Variants in SCG2 observed in about 807,000 individuals in gnomAD.
The protein encoded by SCG2 is secretogranin II.
Under a neutral mutation model 49.5 loss-of-function variants are expected in SCG2, and 23 were observed. The ratio of observed to expected loss-of-function variants is 0.46; its 90% CI spans 0.33 to 0.66. SCG2 has a LOEUF of 0.66. SCG2 is among the 30% of genes least tolerant of loss of function. SCG2 has a pLI of 0.01. For synonymous variants in SCG2, 288 were observed against 260.4 expected (o/e 1.11, Z -1.02); for missense variants, 730 against 728.2 (o/e 1.00, Z -0.03).
Position 223,599,172 on chromosome 2 carries a change from C to A in SCG2, c.111G>T (p.Gln37His), listed in dbSNP as rs1293614705. ...TTTCCAACCTGAGGTCTGGTTCTTT[C>A]TGAAGCAGCTGGTTTCTCTGAAATG... The part of the protein sequence containing the change: ...AASFQRNQLL[Q>H]KEPDLRLENV... Residue 37 changes from glutamine (Q) to histidine (H), a missense_variant, in exon 2 of 2, where the codon CAG (glutamine) becomes CAT (histidine). Transcript: ENST00000305409. 1 of 1,614,010 alleles carries A rather than the reference C, an allele frequency of 6.2e-7. No homozygotes were observed. Among genetic ancestry groups the A allele is most frequent in the Admixed American group, 1.7e-5 (1 of 60,012 alleles).
chr2:223,598,834 T>C lies in SCG2; in HGVS notation c.449A>G (p.Asp150Gly). 1 of 1,614,190 alleles carries C rather than the reference T, an allele frequency of 6.2e-7. No individual in the cohort carries two copies. Among genetic ancestry groups the C allele is most frequent in the Non-Finnish European group, 8.5e-7 (1 of 1,180,024 alleles). Residue 150 changes from aspartate (D) to glycine (G), a missense_variant, in exon 2 of 2, where the codon GAT becomes GGT. Asp to Gly is a moderately conservative substitution (Grantham distance 94). Coordinates refer to ENST00000305409, the MANE Select transcript of SCG2 (RefSeq NM_003469.5). ...TTCTGGCCACTGCTGTGTCTCATAA[T>C]CATCACTCATGTCCATTGGAAAGTT... ...EKNFPMDMSD[D>G]YETQQWPERK... is the part of the protein sequence containing the mutation.
rs913351607 is a variant in SCG2 at position 223,599,408 on chromosome 2, C to T, written c.-14-112G>A. 10 of 864,662 alleles carry T rather than the reference C, an allele frequency of 1.2e-5. No homozygotes were observed. The African/African-American group carries it at 1.7e-4, about 15-fold the overall frequency. The allele number at this position is 864,662 out of a possible 1,614,324, so 53.6% of individuals were successfully genotyped here. A position where few individuals can be genotyped will look rare whatever the true frequency, so the allele number is the denominator to read the frequency against. ...AAAAAACATAGTAGATATTATTTCACATTAAGCTTAGGATAACTCTTTTTA... is the reference window on the plus strand; with the variant it reads ...AAAAAACATAGTAGATATTATTTCATATTAAGCTTAGGATAACTCTTTTTA... On this transcript the variant is annotated intron_variant, in intron 1 of 1. Transcript: ENST00000305409.
rs1477039957 is a variant in SCG2, at chr2:223,597,005, ACT to A, written c.*422_*423del. On this transcript the variant is annotated 3_prime_UTR_variant, in exon 2 of 2. Coordinates refer to ENST00000305409, the MANE Select transcript of SCG2 (RefSeq NM_003469.5). ...CAATAGAAAAGGCCTTATAAATAAAACTATATATTTATAATGCTTTATTTTTT... is the reference window on the plus strand; with the variant it reads ...CAATAGAAAAGGCCTTATAAATAAAAATATATTTATAATGCTTTATTTTTT... 6 of 153,340 alleles carry A rather than the reference ACT, an allele frequency of 3.9e-5. No individual in the cohort carries two copies. The highest frequency in any genetic ancestry group is 1.4e-4 in the African/African-American group (6 of 41,494). The allele number at this position is 153,340 out of a possible 1,614,324, so 9.5% of individuals were successfully genotyped here.
rs751841754 is a variant in SCG2, at chr2:223,598,104, G to T, written c.1179C>A (p.Asp393Glu). Residue 393 changes from aspartate to glutamate, a missense_variant, in exon 2 of 2, where the codon GAC becomes GAA. Physicochemically the swap from Asp to Glu is conservative, Grantham distance 45 (BLOSUM62 2). Transcript: ENST00000305409. ...GATGGTCTAAGTCAGCCTCTGAGAT[G>T]TCATCTAGGTCAACAGGAAGGTCAA... ...RELDLPVDLDDISEADLDHPD... is the reference protein window; with the variant it reads ...RELDLPVDLDEISEADLDHPD... 1 of 1,606,798 alleles carries T rather than the reference G, an allele frequency of 6.2e-7. No individual in the cohort carries two copies. The highest frequency in any genetic ancestry group is 1.3e-5 in the African/African-American group (1 of 74,578).
rs1691334632 is a variant in SCG2, at chr2:223,598,399, A to C, written c.884T>G (p.Leu295Arg). Residue 295 changes from leucine to arginine, a missense_variant, in exon 2 of 2, where the codon CTT becomes CGT. Transcript: ENST00000305409. ...SGQLGIQEED[L>R]RKESKDQLSD... ...GAGTTGGTCTTTACTCTCTTTCCGA[A>C]GATCTTCTTCCTGGATGCCAAGCTG... 1 of 1,613,976 alleles carries C rather than the reference A, an allele frequency of 6.2e-7. No individual in the cohort carries two copies. Among genetic ancestry groups the C allele is most frequent in the Non-Finnish European group, 8.5e-7 (1 of 1,179,994 alleles).
chr2:223,597,434 T>C lies in SCG2; in HGVS notation c.1849A>G (p.Met617Val), dbSNP rs1574632444. The C allele has an allele frequency of 2.5e-6, 4 of 1,590,736 alleles. No homozygotes were observed. Among genetic ancestry groups the C allele is most frequent in the Non-Finnish European group, 3.4e-6 (4 of 1,168,416 alleles). ...EHIAKRAMEN[M>V] ...GGGTAATTAATGAAAGCAGCTTACA[T>C]ATTTTCCATTGCTCTCTTAGCAATA... The change falls in exon 2 of 2, where the codon ATG (methionine) becomes GTG (valine). Residue 617 changes from methionine to valine, a missense_variant. Met to Val is a conservative substitution (Grantham distance 21). Transcript: ENST00000305409.
At position 223,597,009 on chromosome 2, in the gene SCG2, T is replaced by C. The variant is rs1024475509; in HGVS notation, c.*420A>G. 6.5e-6 allele frequency: 1 copy of C among 153,476 alleles called. No individual in the cohort carries two copies. Among genetic ancestry groups the C allele is most frequent in the African/African-American group, 2.4e-5 (1 of 41,478 alleles). 9.5% of individuals were successfully genotyped at this position (153,476 alleles called of 1,614,324 possible). On this transcript the variant is annotated 3_prime_UTR_variant, in exon 2 of 2. Coordinates refer to ENST00000305409, the MANE Select transcript of SCG2 (RefSeq NM_003469.5). ...AGAAAAGGCCTTATAAATAAAACTA[T>C]ATATTTATAATGCTTTATTTTTTTG...
intron 1 of SCG2, among the ~76,000 whole-genome samples, chr2:223,599,527 T>C (rs1007935771): frequency 6.6e-6 from 1 of 152,216 alleles, no homozygotes; most frequent in Admixed American, 6.5e-5. Flanking sequence ...TTGCATAGCA[T>C]TCTCTTAGTT....
Position 223,597,555 on chromosome 2 carries a change from A to T in SCG2, c.1728T>A (p.Asn576Lys), listed in dbSNP as rs754590515. 6.2e-7 allele frequency: 1 copy of T among 1,614,090 alleles called. No individual in the cohort carries two copies. Among genetic ancestry groups the T allele is most frequent in the Non-Finnish European group, 8.5e-7 (1 of 1,180,012 alleles). The part of the protein sequence containing the change: ...SKRFPVGPPK[N>K]DDTPNRQYWD... ...AGTACTGCCTATTTGGGGTATCATC[A>T]TTCTTCGGGGGCCCCACAGGGAACC... The change falls in exon 2 of 2, where the codon AAT (asparagine) becomes AAA (lysine). Residue 576 changes from asparagine to lysine, a missense_variant. By Grantham distance (94) the Asn-to-Lys change is moderately conservative (BLOSUM62 0). Coordinates refer to ENST00000305409, the MANE Select transcript of SCG2 (RefSeq NM_003469.5).
At position 223,597,776 on chromosome 2, in the gene SCG2, C is replaced by A; in HGVS notation, c.1507G>T (p.Glu503Ter). The change falls in exon 2 of 2, where the codon GAA becomes TAA. Residue 503 changes from glutamate (E) to a stop codon, truncating the protein, a stop_gained. Transcript: ENST00000305409. LOFTEE classifies it high-confidence loss of function. ...AYENLNDKDQ[E>*]LGEYLARMLV... is the part of the protein sequence containing the mutation. Reference sequence around the variant, plus strand: ...ATCCTGGCCAAGTACTCACCTAATTCTTGATCCTTGTCGTTCAGGTTTTCA... The same window carrying A: ...ATCCTGGCCAAGTACTCACCTAATTATTGATCCTTGTCGTTCAGGTTTTCA... 6.2e-7 allele frequency: 1 copy of A among 1,614,198 alleles called. No homozygotes were observed. Among genetic ancestry groups the A allele is most frequent in the Admixed American group, 1.7e-5 (1 of 60,026 alleles).
intron 1 of SCG2, among the ~76,000 whole-genome samples, chr2:223,599,906 A>G (rs1385915806): frequency 6.6e-6 from 1 of 152,176 alleles, no homozygotes; most frequent in Non-Finnish European, 1.5e-5. Context: ...GGGGAGTCCT[A>G]TCCAGATATA....
In SCG2 at chr2:223,598,788, T is replaced by C. The variant is rs369026813; in HGVS notation, c.495A>G (p.Gln165=). The C allele has an allele frequency of 1.6e-5, 26 of 1,613,998 alleles. No homozygotes were observed. Among genetic ancestry groups the C allele is most frequent in the African/African-American group, 9.3e-5 (7 of 74,936 alleles). Residue 165 remains glutamine (Q), a synonymous_variant, in exon 2 of 2, where the codon CAA becomes CAG. Coordinates refer to ENST00000305409, the MANE Select transcript of SCG2 (RefSeq NM_003469.5). The part of the protein sequence containing the change: ...QWPERKLKHM[Q]FPPMYEENSR... ...AATTCTCTTCATACATAGGAGGGAA[T>C]TGCATGTGCTTAAGCTTTCTTTCTG... is the stretch of plus-strand genomic sequence containing the variant.
Position 223,598,015 on chromosome 2 carries a change from C to T in SCG2, c.1268G>A (p.Gly423Glu). 6.2e-7 allele frequency: 1 copy of T among 1,612,866 alleles called. No individual in the cohort carries two copies. The highest frequency in any genetic ancestry group is 8.5e-7 in the Non-Finnish European group (1 of 1,179,398). ...SGYPKTPGRAGTEALPDGLSV... is the reference protein window; with the variant it reads ...SGYPKTPGRAETEALPDGLSV... ...GAGCCCGTCTGGTAGGGCCTCAGTC[C>T]CAGCACGACCAGGTGTTTTAGGGTA... is the stretch of plus-strand genomic sequence containing the variant. The change falls in exon 2 of 2, where the codon GGG becomes GAG. Residue 423 changes from glycine (G) to glutamate (E), a missense_variant. Physicochemically the swap from Gly to Glu is moderately conservative, Grantham distance 98. Coordinates refer to ENST00000305409, the MANE Select transcript of SCG2 (RefSeq NM_003469.5).
chr2:223,599,188 C>G lies in SCG2; in HGVS notation c.95G>C (p.Arg32Thr). 6.2e-7 allele frequency: 1 copy of G among 1,613,850 alleles called. No individual in the cohort carries two copies. The highest frequency in any genetic ancestry group is 8.5e-7 in the Non-Finnish European group (1 of 1,179,792). The change falls in exon 2 of 2, where the codon AGA becomes ACA. Residue 32 changes from arginine to threonine, a missense_variant. By Grantham distance (71) the Arg-to-Thr change is moderately conservative. Coordinates refer to ENST00000305409, the MANE Select transcript of SCG2 (RefSeq NM_003469.5). ...TGGTTCTTTCTGAAGCAGCTGGTTT[C>G]TCTGAAATGAAGCTGCTTCAGCCCC... is the stretch of plus-strand genomic sequence containing the variant. ...ISGAEAASFQRNQLLQKEPDL... is the reference protein window; with the variant it reads ...ISGAEAASFQTNQLLQKEPDL...
rs762071178 is a variant in SCG2, at chr2:223,597,520, T to C, written c.1763A>G (p.Asp588Gly). 1 of 1,614,046 alleles carries C rather than the reference T, an allele frequency of 6.2e-7. No homozygotes were observed. Among genetic ancestry groups the C allele is most frequent in the African/African-American group, 1.3e-5 (1 of 74,924 alleles). Residue 588 changes from aspartate to glycine, a missense_variant, in exon 2 of 2, where the codon GAT (aspartate) becomes GGT (glycine). By Grantham distance (94) the Asp-to-Gly change is moderately conservative. Transcript: ENST00000305409. The stretch of plus-strand genomic sequence containing the variant: ...GTATTCCAGCACTTTCATTAACAGA[T>C]CTTCATCCCAGTACTGCCTATTTGG... ...DTPNRQYWDE[D>G]LLMKVLEYLN...
Position 223,599,286 on chromosome 2 carries a change from T to A in SCG2, c.-4A>T. On this transcript the variant is annotated 5_prime_UTR_variant, in exon 2 of 2. Transcript: ENST00000305409. The stretch of plus-strand genomic sequence containing the variant: ...AGTGGGTCTTTGCTTCAGCCATGTT[T>A]GAAAGATTTCCTTAAAACATAAAAA... 6.4e-7 allele frequency: 1 copy of A among 1,556,748 alleles called. No individual in the cohort carries two copies. Among genetic ancestry groups the A allele is most frequent in the Non-Finnish European group, 8.7e-7 (1 of 1,149,660 alleles).
intron 1 of SCG2, 108 bp downstream of exon 1, chr2:223,602,177 C>T (rs1007616737): frequency 2.6e-5 from 4 of 152,134 alleles, no homozygotes; most frequent in African/African-American, 9.7e-5. Context: ...ATTCAGTTAT[C>T]CTATCGACAT....
rs1488931469 is a variant in SCG2 at position 223,597,777 on chromosome 2, T to C, written c.1506A>G (p.Gln502=). Residue 502 remains glutamine (Q), a synonymous_variant, in exon 2 of 2, where the codon CAA becomes CAG. Coordinates refer to ENST00000305409, the MANE Select transcript of SCG2 (RefSeq NM_003469.5). ...TCCTGGCCAAGTACTCACCTAATTC[T>C]TGATCCTTGTCGTTCAGGTTTTCAT... ...MAYENLNDKD[Q]ELGEYLARML... 2 of 1,614,196 alleles carry C rather than the reference T, an allele frequency of 1.2e-6. 1 individual carries two copies. Among genetic ancestry groups the C allele is most frequent in the South Asian group, 2.2e-5 (2 of 91,072 alleles).
intron 1 of SCG2, among the ~76,000 whole-genome samples, chr2:223,600,351 A>G (rs972544332): frequency 3.3e-4 from 50 of 152,142 alleles, no homozygotes; most frequent in African/African-American, 1.0e-3. Context: ...TCCCAATTCA[A>G]ATAAACACAG....
Sources: allele counts gnomAD v4.1 joint callset (sites outside exome capture counted in the v4.1 genomes callset), GRCh38; gene constraint gnomAD v4.1.1; transcripts MANE v1.5; gene names NCBI Gene and HGNC (gene_info 2026-07-23, HGNC 2026-07-21).